Variants in CHST9 observed in about 807,000 individuals in gnomAD.
The protein encoded by CHST9 is carbohydrate sulfotransferase 9.
In CHST9, 41 loss-of-function variants were observed where a neutral mutation model predicts 44.4. The observed-to-expected ratio is 0.92, with a 90% CI of 0.72 to 1.20. The LOEUF (loss-of-function observed/expected upper bound fraction) is 1.20. CHST9 is among the 50% of genes most tolerant of loss of function. The probability of loss-of-function intolerance (pLI) is 0.00; values close to 1 mark genes in which losing one functional copy is unlikely to be tolerated. For missense variants in CHST9, 504 were observed against 516.5 expected (o/e 0.98, Z 0.23); for synonymous variants, 171 against 178.4 (o/e 0.96, Z 0.33).
At chr18:27,107,717 C>T (rs2058233668) in intron 2 of CHST9, among the ~76,000 whole-genome samples, 1 of 152,110 alleles carries the variant, frequency 6.6e-6, no homozygotes, top group South Asian at 2.1e-4. Context: ...CAGGACATTC[C>T]ACAGAGATAG....
At chr18:26,961,977 C>T (rs557392014) in intron 4 of CHST9, among the ~76,000 whole-genome samples, 1 of 152,274 alleles carries the variant, frequency 6.6e-6, no homozygotes, top group East Asian at 1.9e-4. Context: ...TCAGTCCCTC[C>T]TCTCAGTCTG....
rs186040109 is a variant in CHST9 at position 26,909,500 on chromosome 18, C to T, written c.*6759G>A. 4.6e-5 allele frequency: 7 copies of T among 152,090 alleles called. No homozygotes were observed. The highest frequency in any genetic ancestry group is 1.5e-5 in the Non-Finnish European group (1 of 67,998). 9.4% of individuals were successfully genotyped at this position (152,090 alleles called of 1,614,324 possible). On this transcript the variant is annotated 3_prime_UTR_variant, in exon 6 of 6. Coordinates refer to ENST00000618847, the MANE Select transcript of CHST9 (RefSeq NM_031422.6). ...CAGAAATTGATAAGTTAAATCAGGG[C>T]TTATTTTTTCCTAAGGATAATCACA...
intron 2 of CHST9, among the ~76,000 whole-genome samples, chr18:27,106,894 A>T: frequency 6.6e-6 from 1 of 152,326 alleles, no homozygotes; most frequent in Non-Finnish European, 1.5e-5. Context: ...AAAGGAAAAT[A>T]ATCCTAGCAC....
At chr18:26,972,387 A>G (rs1356295645) in intron 4 of CHST9, among the ~76,000 whole-genome samples, 1 of 150,730 alleles carries the variant, frequency 6.6e-6, no homozygotes, top group Non-Finnish European at 1.5e-5. Flanking sequence ...AAAAAGGAAG[A>G]AAAAATAGAT....
intron 1 of CHST9, among the ~76,000 whole-genome samples, chr18:27,153,570 G>GTGTA (rs1555628629): frequency 4.6e-3 from 359 of 77,326 alleles, no homozygotes; most frequent in East Asian, 7.3e-3. Context: ...GTGTGTGTAT[G>GTGTA]TGTGTGTGTG....
chr18:27,135,956 G>C (rs953316998), intron 2 of CHST9, among the ~76,000 whole-genome samples: 7 of 152,142 alleles, frequency 4.6e-5, no homozygotes, highest in African/African-American at 1.2e-4. Context: ...TGGGTACAGA[G>C]ACTCTGGATC....
At chr18:27,123,446 T>C (rs2058392686) in intron 2 of CHST9, among the ~76,000 whole-genome samples, 1 of 152,178 alleles carries the variant, frequency 6.6e-6, no homozygotes, top group Non-Finnish European at 1.5e-5. Flanking sequence ...TTTGAAATTA[T>C]GTAGGGTTTT....
At chr18:26,969,091 C>T (rs1394430068) in intron 4 of CHST9, among the ~76,000 whole-genome samples, 3 of 151,776 alleles carry the variant, frequency 2.0e-5, no homozygotes, top group East Asian at 1.9e-4. Context: ...CTCCGCCTCC[C>T]GGGTTCACGC....
intron 2 of CHST9, among the ~76,000 whole-genome samples, chr18:27,114,243 G>A (rs2058300463): frequency 6.6e-6 from 1 of 152,194 alleles, no homozygotes; most frequent in South Asian, 2.1e-4. Context: ...AAGTGAAAAA[G>A]AGTTGAAGTA....
intron 1 of CHST9, chr18:27,147,865 T>TC (rs1032798802): frequency 2.0e-5 from 3 of 151,672 alleles, no homozygotes; most frequent in African/African-American, 7.3e-5. Flanking sequence ...CTATTTCTTT[T>TC]TTTTTTTTTT....
rs148445573 is a variant in CHST9 at position 26,955,017 on chromosome 18, G to A, written c.203-10651C>T. ...AGCCTCCAACATATTGAGGGCAGCT[G>A]CTCCTGGCCCTGGTTTGCTCATGAA... is the stretch of plus-strand genomic sequence containing the variant. On this transcript the variant is annotated intron_variant, in intron 4 of 5. Transcript: ENST00000618847. 6.2e-3 allele frequency among the ~76,000 whole-genome samples: 940 copies of A among 152,160 alleles called. 12 individuals carry two copies. The highest frequency in any genetic ancestry group is 0.021 in the African/African-American group (890 of 41,502).
At chr18:27,156,688 A>AT (rs1341853411) in intron 1 of CHST9, among the ~76,000 whole-genome samples, 1 of 152,256 alleles carries the variant, frequency 6.6e-6, no homozygotes, top group Admixed American at 6.5e-5. Flanking sequence ...CTAGAAAGTC[A>AT]TTATGATCTC....
intron 5 of CHST9, among the ~76,000 whole-genome samples, chr18:26,920,547 G>A (rs1235882758): frequency 6.6e-6 from 1 of 152,060 alleles, no homozygotes; most frequent in African/African-American, 2.4e-5. Flanking sequence ...ACTGCAGAGA[G>A]GTCTTATCTT....
chr18:27,083,099 C>T (rs1224922020), intron 2 of CHST9, among the ~76,000 whole-genome samples: 1 of 152,022 alleles, frequency 6.6e-6, no homozygotes, highest in Non-Finnish European at 1.5e-5. Context: ...TACATTTAAT[C>T]TGAAGAATGG....
chr18:27,091,951 T>A (rs2058073373), intron 2 of CHST9, among the ~76,000 whole-genome samples: 1 of 152,188 alleles, frequency 6.6e-6, no homozygotes, highest in African/African-American at 2.4e-5. Context: ...CAGGATGATG[T>A]TGGCTTCATA....
At chr18:27,124,216 G>T (rs2058400284) in intron 2 of CHST9, among the ~76,000 whole-genome samples, 1 of 152,190 alleles carries the variant, frequency 6.6e-6, no homozygotes. Flanking sequence ...CAGGGAAGAA[G>T]GCTCTTTATC....
chr18:27,013,788 G>A (rs114382157), intron 4 of CHST9, among the ~76,000 whole-genome samples: 189 of 152,180 alleles, frequency 1.2e-3, no homozygotes, highest in African/African-American at 4.2e-3. Context: ...TTTCCTAGAT[G>A]ATCATTTATT....
At chr18:27,110,417 T>C (rs1165242746) in intron 2 of CHST9, among the ~76,000 whole-genome samples, 3 of 152,140 alleles carry the variant, frequency 2.0e-5, no homozygotes, top group Admixed American at 6.5e-5. Flanking sequence ...GCTAAAACAA[T>C]GAAGATATTT....
intron 4 of CHST9, among the ~76,000 whole-genome samples, chr18:27,014,317 G>A (rs1373627785): frequency 6.6e-6 from 1 of 151,728 alleles, no homozygotes; most frequent in Middle Eastern, 3.2e-3. Context: ...CTAATACAAT[G>A]AATGGAAAAC....
Sources: gnomAD v4.1 joint callset for allele counts (sites outside exome capture counted in the v4.1 genomes callset) on GRCh38, gnomAD v4.1.1 for gene constraint, MANE v1.5 for transcripts, NCBI Gene and HGNC (gene_info 2026-07-23, HGNC 2026-07-21) for gene names.